ARL15: variants seen among roughly 807,000 people sequenced by gnomAD.
The protein encoded by ARL15 is ADP-ribosylation factor-like protein 15.
In ARL15, 19 loss-of-function variants were observed where a neutral mutation model predicts 25.2. The observed-to-expected ratio is 0.75, with a 90% CI of 0.53 to 1.10. ARL15 has a LOEUF of 1.10. ARL15 is among the 50% of genes least tolerant of loss of function. ARL15 has a pLI of 0.00. For synonymous variants in ARL15, 94 were observed against 86.8 expected (o/e 1.08, Z -0.46); for missense variants, 220 against 246.0 (o/e 0.89, Z 0.71).
At chr5:54,271,905 CATTTATTTATTTATTT>C (rs34653736) in intron 1 of ARL15, among the ~76,000 whole-genome samples, 25 of 146,382 alleles carry the variant, frequency 1.7e-4, no homozygotes, top group Admixed American at 4.1e-4. Flanking sequence ...CTGTGCTTAA[CATTTATTTATTTATTT>C]ATTTATTTAT....
chr5:54,204,947 T>TTTC (rs397692474), intron 1 of ARL15, among the ~76,000 whole-genome samples: 1 of 151,082 alleles, frequency 6.6e-6, no homozygotes, highest in Non-Finnish European at 1.5e-5. Context: ...TTTTTTTTTT[T>TTTC]CCTTGAGATG....
chr5:54,052,862 T>C (rs1193511507), intron 4 of ARL15, among the ~76,000 whole-genome samples: 1 of 152,038 alleles, frequency 6.6e-6, no homozygotes, highest in African/African-American at 2.4e-5. Context: ...CATTTTCCAA[T>C]GACCAGGGCT....
At chr5:53,989,885 A>G (rs1328152274) in intron 4 of ARL15, among the ~76,000 whole-genome samples, 1 of 152,170 alleles carries the variant, frequency 6.6e-6, no homozygotes, top group African/African-American at 2.4e-5. Flanking sequence ...GTTGTGTAAG[A>G]CTAGATTAAG....
In ARL15 at chr5:53,912,778, C is replaced by A. The variant is rs184190309; in HGVS notation, c.463-26065G>T. Among the ~76,000 whole-genome samples, 611 of 152,230 alleles carry A rather than the reference C, an allele frequency of 4.0e-3. 8 individuals are homozygous for A. Among genetic ancestry groups the A allele is most frequent in the African/African-American group, 0.014 (580 of 41,522 alleles). Reference sequence around the variant, plus strand: ...AATTCAACTTATCCATTCATTCATTCAACAGATACTCAACAGGAACCTACT... The same window carrying A: ...AATTCAACTTATCCATTCATTCATTAAACAGATACTCAACAGGAACCTACT... On this transcript the variant is annotated intron_variant, in intron 4 of 4. Transcript: ENST00000504924.
chr5:54,128,845 A>G (rs1753346729), intron 3 of ARL15, among the ~76,000 whole-genome samples: 1 of 151,784 alleles, frequency 6.6e-6, no homozygotes, highest in African/African-American at 2.4e-5. Flanking sequence ...AGCTGGGACT[A>G]CAGATGAGTG....
chr5:53,980,220 T>C (rs556785697), intron 4 of ARL15, among the ~76,000 whole-genome samples: 1 of 152,342 alleles, frequency 6.6e-6, no homozygotes, highest in East Asian at 1.9e-4. Context: ...TTTTCCCATT[T>C]CTTAGTACTA....
At chr5:54,170,867 T>C (rs954726253) in intron 2 of ARL15, among the ~76,000 whole-genome samples, 40 of 152,136 alleles carry the variant, frequency 2.6e-4, no homozygotes, top group Admixed American at 2.6e-3. Flanking sequence ...ACCTAGCACA[T>C]AGTAGGTGCT....
chr5:53,986,533 G>A (rs1748303455), intron 4 of ARL15, among the ~76,000 whole-genome samples: 1 of 152,174 alleles, frequency 6.6e-6, no homozygotes, highest in South Asian at 2.1e-4. Flanking sequence ...GTACAGCCTA[G>A]GAATCTGCAT....
chr5:54,172,013 A>G (rs1754733723), intron 1 of ARL15, 85 bp from the exon 2 acceptor site: 1 of 1,485,372 alleles, frequency 6.7e-7, no homozygotes, highest in South Asian at 1.3e-5. Flanking sequence ...CTGAGTAAGT[A>G]TTAAGAGGTA....
At chr5:54,265,370 T>G (rs954860926) in intron 1 of ARL15, among the ~76,000 whole-genome samples, 1 of 152,204 alleles carries the variant, frequency 6.6e-6, no homozygotes, top group Non-Finnish European at 1.5e-5. Context: ...GCACGAGTGC[T>G]GCCACTTTAA....
chr5:54,223,840 A>G (rs1260482979), intron 1 of ARL15, among the ~76,000 whole-genome samples: 1 of 152,176 alleles, frequency 6.6e-6, no homozygotes, highest in African/African-American at 2.4e-5. Context: ...ATAAATGGCA[A>G]TTATGAGAGC....
intron 1 of ARL15, among the ~76,000 whole-genome samples, chr5:54,211,465 CA>C (rs1212110057): frequency 9.1e-5 from 10 of 109,466 alleles, no homozygotes; most frequent in African/African-American, 3.1e-4. Flanking sequence ...TTAAATGAAA[CA>C]CTTTTTTTTT....
chr5:54,308,846 C>A (rs1758824672), intron 1 of ARL15, among the ~76,000 whole-genome samples: 1 of 152,070 alleles, frequency 6.6e-6, no homozygotes. Flanking sequence ...GTCAGAACCA[C>A]CTGATTTTCT....
At chr5:53,951,417 C>A in intron 4 of ARL15, 1 of 449,954 alleles carries the variant, frequency 2.2e-6, no homozygotes, top group Non-Finnish European at 4.6e-6. Context: ...TGTCAGATTG[C>A]TATAAATTTC....
chr5:53,964,779 C>A (rs1362505982), intron 4 of ARL15, among the ~76,000 whole-genome samples: 1 of 152,186 alleles, frequency 6.6e-6, no homozygotes, highest in African/African-American at 2.4e-5. Context: ...CTTTCTATAA[C>A]ATCCTTGATG....
At chr5:54,072,055 C>A (rs930335911) in intron 4 of ARL15, among the ~76,000 whole-genome samples, 3 of 151,652 alleles carry the variant, frequency 2.0e-5, no homozygotes, top group African/African-American at 7.3e-5. Context: ...AAATAGACAT[C>A]CCACACCCAC....
At chr5:54,288,468 T>C (rs1758239527) in intron 1 of ARL15, among the ~76,000 whole-genome samples, 1 of 152,162 alleles carries the variant, frequency 6.6e-6, no homozygotes, top group South Asian at 2.1e-4. Flanking sequence ...CTTACTTGCC[T>C]GAGCAAAAAA....
chr5:54,013,399 T>C (rs914830557), intron 4 of ARL15, among the ~76,000 whole-genome samples: 5 of 152,170 alleles, frequency 3.3e-5, no homozygotes, highest in African/African-American at 9.7e-5. Flanking sequence ...AAGCTAACCA[T>C]TGGAGAGATT....
At chr5:54,097,956 G>A (rs994030470) in intron 4 of ARL15, among the ~76,000 whole-genome samples, 2 of 152,116 alleles carry the variant, frequency 1.3e-5, no homozygotes, top group African/African-American at 4.8e-5. Flanking sequence ...TTTCCAAATG[G>A]AAAGCATGGG....
Sources: allele counts gnomAD v4.1 joint callset (sites outside exome capture counted in the v4.1 genomes callset), GRCh38; gene constraint gnomAD v4.1.1; transcripts MANE v1.5; gene names NCBI Gene and HGNC (gene_info 2026-07-23, HGNC 2026-07-21).